The following MBNL2 variants were observed in gnomAD, a reference collection of about 807,000 sequenced individuals.
The protein encoded by MBNL2 is muscleblind-like protein 2.
A neutral mutation model predicts 41.9 loss-of-function variants in MBNL2; 17 were observed. The ratio of observed to expected loss-of-function variants is 0.41; its 90% CI spans 0.28 to 0.61. The LOEUF is 0.61. Ranked by LOEUF, MBNL2 falls within the 20% of genes least tolerant of loss-of-function variation. The probability of loss-of-function intolerance (pLI) is 0.35; values close to 1 mark genes in which losing one functional copy is unlikely to be tolerated. For missense variants in MBNL2, 336 were observed against 505.6 expected, an observed-to-expected ratio of 0.66 and a Z score of 3.22; for synonymous variants, 195 against 182.9, an observed-to-expected ratio of 1.07 and a Z score of -0.53.
chr13:97,153,134 G>A, the MBNL2 span, among the ~76,000 whole-genome samples: 7 of 152,098 alleles, frequency 4.6e-5, no homozygotes, highest in African/African-American at 1.7e-4. Context: ...CTAACTCCAG[G>A]GACATAAAAA....
the MBNL2 span, among the ~76,000 whole-genome samples, chr13:97,186,931 G>T: frequency 6.6e-6 from 1 of 152,136 alleles, no homozygotes; most frequent in African/African-American, 2.4e-5. Context: ...TATTAATTTT[G>T]GATCTCAGAG....
intron 2 of MBNL2, among the ~76,000 whole-genome samples, chr13:97,313,668 G>C (rs186417884): frequency 2.0e-5 from 3 of 152,316 alleles, no homozygotes; most frequent in Middle Eastern, 6.8e-3. Flanking sequence ...TCCAAAAGCT[G>C]GTAGCAGAGA....
At chr13:97,363,418 CTGTGTGTGTGTGTG>C (rs55745808) in intron 7 of MBNL2, among the ~76,000 whole-genome samples, 34,733 of 136,682 alleles carry the variant, frequency 0.25, 4,337 homozygotes, top group Non-Finnish European at 0.3. Context: ...GAAAGAAAAA[CTGTGTGTGTGTGTG>C]TGTGTGTGTG....
chr13:97,240,409 T>C (rs1412495532), intron 1 of MBNL2, among the ~76,000 whole-genome samples: 2 of 152,214 alleles, frequency 1.3e-5, no homozygotes, highest in East Asian at 1.9e-4. Flanking sequence ...GATCACCTCA[T>C]GTAACTTAAT....
chr13:97,237,399 G>C (rs1239294462), intron 1 of MBNL2, among the ~76,000 whole-genome samples: 1 of 152,238 alleles, frequency 6.6e-6, no homozygotes. Flanking sequence ...ATGTATGAAA[G>C]ATAGTGGATG....
intron 8 of MBNL2, among the ~76,000 whole-genome samples, chr13:97,381,779 ATATAT>A (rs930090732): frequency 6.6e-6 from 1 of 151,818 alleles, no homozygotes; most frequent in Non-Finnish European, 1.5e-5. Flanking sequence ...ACAAAAATAG[ATATAT>A]TAGGAAAATA....
chr13:97,182,652 C>T, the MBNL2 span, among the ~76,000 whole-genome samples: 6 of 152,074 alleles, frequency 3.9e-5, no homozygotes, highest in Admixed American at 6.5e-5. Context: ...GCACTTTTGA[C>T]GTGTTAGGAA....
intron 1 of MBNL2, among the ~76,000 whole-genome samples, chr13:97,265,316 G>A (rs145853169): frequency 2.0e-5 from 3 of 152,212 alleles, no homozygotes; most frequent in Admixed American, 1.3e-4. Flanking sequence ...TAAAACAAAG[G>A]TTGGCTTATC....
At chr13:97,253,220 C>G (rs185425254) in intron 1 of MBNL2, among the ~76,000 whole-genome samples, 1 of 152,158 alleles carries the variant, frequency 6.6e-6, no homozygotes, top group African/African-American at 2.4e-5. Context: ...AGATAACCAA[C>G]TTGGTTTGCT....
intron 2 of MBNL2, among the ~76,000 whole-genome samples, chr13:97,288,991 C>T (rs1474729369): frequency 2.0e-5 from 3 of 152,188 alleles, no homozygotes; most frequent in African/African-American, 7.2e-5. Context: ...GATATATTGC[C>T]AGGGGAAGGA....
chr13:97,292,467 AAT>A (rs1345141763), intron 2 of MBNL2, among the ~76,000 whole-genome samples: 1 of 152,194 alleles, frequency 6.6e-6, no homozygotes, highest in African/African-American at 2.4e-5. Flanking sequence ...TCCCGTCACT[AAT>A]AGATTTATCT....
At chr13:97,343,355 T>C (rs2061578905) in intron 4 of MBNL2, 139 bp downstream of exon 4, 5 of 652,528 alleles carry the variant, frequency 7.7e-6, no homozygotes, top group Non-Finnish European at 1.3e-5. Context: ...CTAAAACCCA[T>C]GTATTCATAA....
At chr13:97,185,530 A>G in the MBNL2 span, among the ~76,000 whole-genome samples, 1 of 152,194 alleles carries the variant, frequency 6.6e-6, no homozygotes, top group Non-Finnish European at 1.5e-5. Flanking sequence ...TGTACTCACA[A>G]TGGACCTGAT....
At chr13:97,245,552 G>A (rs1036716742) in intron 1 of MBNL2, among the ~76,000 whole-genome samples, 1 of 152,296 alleles carries the variant, frequency 6.6e-6, no homozygotes, top group East Asian at 1.9e-4. Flanking sequence ...TTCTGCAAGG[G>A]TGGTAGGCAT....
rs565801032 is a variant in MBNL2, at chr13:97,364,110, C to T, written c.1013-1026C>T. On this transcript the variant is annotated intron_variant, in intron 7 of 8. Transcript: ENST00000679496. ...CAAAGCTTTCAATACAGCTTTCTTTCAGTTCTCCACAACATGCCTGAATAT... is the reference window on the plus strand; with the variant it reads ...CAAAGCTTTCAATACAGCTTTCTTTTAGTTCTCCACAACATGCCTGAATAT... Among the ~76,000 whole-genome samples, 8 of 152,286 alleles carry T rather than the reference C, an allele frequency of 5.3e-5. No homozygotes were observed. The East Asian group carries it at 1.4e-3, about 26-fold the overall frequency.
At chr13:97,159,053 G>T in the MBNL2 span, among the ~76,000 whole-genome samples, 1 of 151,620 alleles carries the variant, frequency 6.6e-6, no homozygotes, top group South Asian at 2.1e-4. Flanking sequence ...AGGTCACTCA[G>T]GACTTGCTTT....
chr13:97,334,051 TC>T lies in MBNL2; in HGVS notation c.175-224del, dbSNP rs2060664328. ...GGGAGGGAAAAATCCTCAGGAAGCTTCTCTACTTAACATGTTCTTAAGATTA... is the reference window on the plus strand; with the variant it reads ...GGGAGGGAAAAATCCTCAGGAAGCTTTCTACTTAACATGTTCTTAAGATTA... On this transcript the variant is annotated intron_variant, in intron 2 of 8. Coordinates refer to ENST00000679496, the MANE Select transcript of MBNL2 (RefSeq NM_001382683.1). The surrounding 1 kb of genome is among the most constrained non-coding windows in gnomAD (Gnocchi z 5.3). 6.6e-6 allele frequency among the ~76,000 whole-genome samples: 1 copy of T among 151,706 alleles called. No homozygotes were observed. The highest frequency in any genetic ancestry group is 2.1e-4 in the South Asian group (1 of 4,792).
intron 1 of MBNL2, among the ~76,000 whole-genome samples, chr13:97,249,861 A>T (rs938741671): frequency 3.3e-5 from 5 of 152,126 alleles, no homozygotes; most frequent in Non-Finnish European, 7.4e-5. Flanking sequence ...TTGCTGTTTT[A>T]TGCTGCAAAA....
At chr13:97,297,257 G>T (rs1009617398) in intron 2 of MBNL2, among the ~76,000 whole-genome samples, 4 of 152,150 alleles carry the variant, frequency 2.6e-5, no homozygotes, top group Non-Finnish European at 5.9e-5. Flanking sequence ...AGAGGGTTCA[G>T]CAGTGAAGAC....
Sources: allele counts gnomAD v4.1 joint callset (sites outside exome capture counted in the v4.1 genomes callset), GRCh38; gene constraint gnomAD v4.1.1; non-coding constraint Gnocchi (gnomAD v3.1); transcripts MANE v1.5; gene names NCBI Gene and HGNC (gene_info 2026-07-23, HGNC 2026-07-21).